Variants in SGK1 observed in about 807,000 individuals in gnomAD.
SGK1 encodes serine/threonine-protein kinase Sgk1.
Under a neutral mutation model 64.2 loss-of-function variants are expected in SGK1, and 26 were observed. The observed-to-expected ratio is 0.40, with a 90% confidence interval of 0.30 to 0.56. The LOEUF (loss-of-function observed/expected upper bound fraction) is 0.56, where lower values mean the gene tolerates loss of function less well. SGK1 is among the 20% of genes least tolerant of loss of function. The pLI, the probability that SGK1 is intolerant of heterozygous loss-of-function variation, is 0.38. For missense variants in SGK1, 519 were observed against 645.6 expected, an observed-to-expected ratio of 0.80 and a Z score of 2.12; for synonymous variants, 265 against 239.7, an observed-to-expected ratio of 1.11 and a Z score of -0.98.
intron 3 of SGK1, chr6:134,175,395 G>A: frequency 4.0e-6 from 5 of 1,249,122 alleles, no homozygotes; most frequent in Non-Finnish European, 4.1e-6. Flanking sequence ...CTGGGGCGCA[G>A]GCCTGCGCGC....
At chr6:134,242,803 G>C (rs1776469263) in intron 2 of SGK1, among the ~76,000 whole-genome samples, 4 of 152,032 alleles carry the variant, frequency 2.6e-5, no homozygotes, top group Admixed American at 2.0e-4. Flanking sequence ...ATCTGTCCTT[G>C]AGTGTGAACT....
At chr6:134,246,401 C>T (rs1017657775) in intron 2 of SGK1, among the ~76,000 whole-genome samples, 2 of 151,868 alleles carry the variant, frequency 1.3e-5, no homozygotes, top group Admixed American at 6.6e-5. Flanking sequence ...AGGTGATCTG[C>T]CCACCTCAAC....
intron 1 of SGK1, among the ~76,000 whole-genome samples, chr6:134,271,375 CT>C (rs1050550416): frequency 6.8e-6 from 1 of 146,682 alleles, no homozygotes; most frequent in South Asian, 2.2e-4. Context: ...TCGATATGTA[CT>C]TTTTTTAGAT....
rs1336289437 is a variant in SGK1, at chr6:134,310,832, C to A, written c.69+6560G>T. On this transcript the variant is annotated intron_variant, in intron 1 of 13. Transcript: ENST00000367858. ...CAAACTCCTGACCTCAGGTGATCTGCCTGCCTTGGCCTCCCAAAATGCTGG... is the reference window on the plus strand; with the variant it reads ...CAAACTCCTGACCTCAGGTGATCTGACTGCCTTGGCCTCCCAAAATGCTGG... Among the ~76,000 whole-genome samples, 3 of 152,216 alleles carry A rather than the reference C, an allele frequency of 2.0e-5. No individual in the cohort carries two copies. The East Asian group carries it at 5.8e-4, about 29-fold the overall frequency.
At chr6:134,282,223 C>G (rs1777104489) in intron 1 of SGK1, among the ~76,000 whole-genome samples, 1 of 152,070 alleles carries the variant, frequency 6.6e-6, no homozygotes, top group African/African-American at 2.4e-5. Flanking sequence ...GTCACTCAAG[C>G]TGGAGTGCAG....
At chr6:134,183,863 C>T (rs1775375702) in intron 3 of SGK1, among the ~76,000 whole-genome samples, 1 of 137,206 alleles carries the variant, frequency 7.3e-6, no homozygotes, top group African/African-American at 2.6e-5. Context: ...ACCCCCACCC[C>T]CCACCCCCGG....
chr6:134,257,776 A>G (rs1255431510), intron 2 of SGK1, among the ~76,000 whole-genome samples: 1 of 152,202 alleles, frequency 6.6e-6, no homozygotes, highest in East Asian at 1.9e-4. Context: ...ATGCACATCA[A>G]TTTACGTTTA....
intron 2 of SGK1, among the ~76,000 whole-genome samples, chr6:134,232,425 A>AAGAGAG (rs71003683): frequency 2.4e-5 from 1 of 41,970 alleles, no homozygotes. Context: ...GAAAGAAAGA[A>AAGAGAG]AGAAAGAAAG....
At chr6:134,207,566 G>A in intron 2 of SGK1, 135 bp from the exon 3 acceptor site, 1 of 666,036 alleles carries the variant, frequency 1.5e-6, no homozygotes, top group Non-Finnish European at 2.6e-6. Context: ...TAATTAGGGT[G>A]GTTTTCTCAG....
rs1200993355 is a variant in SGK1, at chr6:134,208,740, G to GTATGCGTATATATATATATACACATATA, written c.286-1337_286-1310dup. Among the ~76,000 whole-genome samples the GTATGCGTATATATATATATACACATATA allele has an allele frequency of 6.6e-5, 8 of 120,432 alleles. No individual in the cohort carries two copies. In the East Asian group the frequency reaches 9.6e-4, roughly 14 times the overall value. The allele number at this position is 120,432 out of a possible 152,430, so 79.0% of individuals were successfully genotyped here. ...CTTTTTTGGCTGGGTAGTATTCCAT[G>GTATGCGTATATATATATATACACATATA]TATGCGTATATATATATATACACAT... On this transcript the variant is annotated intron_variant, in intron 2 of 13. Coordinates refer to ENST00000367858, the MANE Select transcript of SGK1 (RefSeq NM_001143676.3).
chr6:134,302,670 T>C (rs186446879), intron 1 of SGK1, among the ~76,000 whole-genome samples: 1 of 152,320 alleles, frequency 6.6e-6, no homozygotes, highest in African/African-American at 2.4e-5. Flanking sequence ...GCTTAGTGCG[T>C]ACCAGGCATT....
chr6:134,213,662 C>A (rs1775930661), intron 2 of SGK1, among the ~76,000 whole-genome samples: 2 of 77,600 alleles, frequency 2.6e-5, no homozygotes, highest in African/African-American at 6.7e-5. Context: ...AATAAAATGT[C>A]CTCATGAAAC....
At chr6:134,226,356 G>GTT (rs142221226) in intron 2 of SGK1, among the ~76,000 whole-genome samples, 7 of 150,746 alleles carry the variant, frequency 4.6e-5, no homozygotes, top group East Asian at 2.0e-4. Context: ...CCAAAAAGGT[G>GTT]TTTTTTTTTC....
chr6:134,266,636 T>C (rs147427080), intron 1 of SGK1, among the ~76,000 whole-genome samples: 4 of 152,280 alleles, frequency 2.6e-5, no homozygotes, highest in East Asian at 1.9e-4. Context: ...AAATATCTTT[T>C]TGAGTTTACT....
At chr6:134,198,449 CTATAAA>C (rs1775629128) in intron 3 of SGK1, among the ~76,000 whole-genome samples, 1 of 152,078 alleles carries the variant, frequency 6.6e-6, no homozygotes, top group Non-Finnish European at 1.5e-5. Context: ...TGTTTTCTAG[CTATAAA>C]TATGAGTATT....
intron 1 of SGK1, among the ~76,000 whole-genome samples, chr6:134,282,081 T>C (rs1777102699): frequency 6.6e-6 from 1 of 152,150 alleles, no homozygotes. Context: ...AGTAGAAGCA[T>C]TGAGGCCAGA....
chr6:134,313,342 A>C (rs963106344), intron 1 of SGK1, among the ~76,000 whole-genome samples: 3 of 152,176 alleles, frequency 2.0e-5, no homozygotes, highest in Non-Finnish European at 4.4e-5. Context: ...TTGTCTCTGC[A>C]AACAACCAAC....
intron 2 of SGK1, among the ~76,000 whole-genome samples, chr6:134,228,202 G>A (rs1179401429): frequency 6.6e-5 from 10 of 152,004 alleles, no homozygotes; most frequent in East Asian, 5.8e-4. Context: ...TGATCCACCC[G>A]CCTCGGCCTC....
intron 1 of SGK1, 107 bp from the exon 2 acceptor site, chr6:134,262,255 C>T: frequency 1.4e-6 from 1 of 730,374 alleles, no homozygotes; most frequent in South Asian, 1.9e-5. Flanking sequence ...GAAAGGAGAA[C>T]TCGGTCTCAC....
Sources: gnomAD v4.1 joint callset for allele counts (sites outside exome capture counted in the v4.1 genomes callset) on GRCh38, gnomAD v4.1.1 for gene constraint, MANE v1.5 for transcripts, NCBI Gene and HGNC (gene_info 2026-07-23, HGNC 2026-07-21) for gene names.